Variants in CSPG4 observed in about 807,000 individuals in gnomAD.
CSPG4 encodes chondroitin sulfate proteoglycan 4 (melanoma-associated).
Under a neutral mutation model 139.3 loss-of-function variants are expected in CSPG4, and 74 were observed. The ratio of observed to expected loss-of-function variants is 0.53; its 90% CI spans 0.44 to 0.64. The LOEUF is 0.64. Ranked by LOEUF, CSPG4 falls within the 30% of genes least tolerant of loss-of-function variation. The pLI, the probability that CSPG4 is intolerant of heterozygous loss-of-function variation, is 0.00. For synonymous variants in CSPG4, 1,234 were observed against 1,394.2 expected, an observed-to-expected ratio of 0.89 and a Z score of 2.56; for missense variants, 2,565 against 3,148.3, an observed-to-expected ratio of 0.81 and a Z score of 4.43.
Position 75,676,680 on chromosome 15 carries a change from G to T in CSPG4, c.5839C>A (p.Arg1947=). Residue 1947 remains arginine (R), a synonymous_variant, in exon 10 of 10, where the codon CGG becomes AGG. Coordinates refer to ENST00000308508, the MANE Select transcript of CSPG4 (RefSeq NM_001897.5). ...ILPSAIEVQL[R]APLEVPQALG... ...GCTTGGGGCACCTCCAGGGGTGCCC[G>T]CAGCTGCACCTCGATGGCGGATGGT... The T allele has an allele frequency of 6.3e-7, 1 of 1,591,910 alleles. No homozygotes were observed. Among genetic ancestry groups the T allele is most frequent in the Non-Finnish European group, 8.6e-7 (1 of 1,167,478 alleles).
intron 4 of CSPG4, 51 bp from the exon 5 acceptor site, chr15:75,684,963 C>A (rs766598013): frequency 6.4e-7 from 1 of 1,551,186 alleles, no homozygotes; most frequent in Non-Finnish European, 8.9e-7. Context: ...ACCCTTCATG[C>A]CCTGCCTTTG....
rs149490914 is a variant in CSPG4 at position 75,688,240 on chromosome 15, T to C, written c.2825A>G (p.His942Arg). ...TGTCCCACGCCAAGCCAACCTCCCA[T>C]GGCGGGGCCGCTCCATGACCTCATA... Reference protein sequence around the residue: ...YLYEVMERPRHGRLAWRGTQD... With the variant: ...YLYEVMERPRRGRLAWRGTQD... The change falls in exon 3 of 10, where the codon CAT becomes CGT. Residue 942 changes from histidine to arginine, a missense_variant. His to Arg is a conservative substitution (Grantham distance 29). Transcript: ENST00000308508. 15 of 1,612,852 alleles carry C rather than the reference T, an allele frequency of 9.3e-6. No individual in the cohort carries two copies. The highest frequency in any genetic ancestry group is 8.0e-5 in the African/African-American group (6 of 74,938).
chr15:75,705,843 A>G (rs956714268), intron 1 of CSPG4, among the ~76,000 whole-genome samples: 5 of 151,930 alleles, frequency 3.3e-5, no homozygotes, highest in African/African-American at 1.2e-4. Flanking sequence ...GTGTGTGTGT[A>G]TCTGTGTCTG....
chr15:75,699,923 A>C (rs954888659), intron 1 of CSPG4, among the ~76,000 whole-genome samples: 12 of 152,158 alleles, frequency 7.9e-5, no homozygotes, highest in African/African-American at 1.7e-4. Flanking sequence ...CTGGCCCTAG[A>C]GGACCTGGGA....
intron 1 of CSPG4, among the ~76,000 whole-genome samples, chr15:75,706,056 C>T (rs1386335699): frequency 6.6e-6 from 1 of 152,142 alleles, no homozygotes; most frequent in Admixed American, 6.5e-5. Flanking sequence ...ACTCTAGCTG[C>T]AGGAGAGCTG....
In CSPG4 at chr15:75,675,115, G is replaced by A. The variant is rs1127647; in HGVS notation, c.*435C>T. On this transcript the variant is annotated 3_prime_UTR_variant, in exon 10 of 10. Transcript: ENST00000308508. ...GACAAAGGGTGGCCTGGGTTGGAGTGGAAAAGCCAGGAATAGCTTCCTCTG... is the reference window on the plus strand; with the variant it reads ...GACAAAGGGTGGCCTGGGTTGGAGTAGAAAAGCCAGGAATAGCTTCCTCTG... 9.1e-6 allele frequency: 3 copies of A among 330,592 alleles called. No individual in the cohort carries two copies. Among genetic ancestry groups the A allele is most frequent in the Non-Finnish European group, 1.6e-5 (3 of 183,320 alleles). 20.5% of individuals were successfully genotyped at this position (330,592 alleles called of 1,614,324 possible).
rs1411728463 is a variant in CSPG4 at position 75,690,512 on chromosome 15, T to C, written c.553A>G (p.Thr185Ala). 1 of 1,608,694 alleles carries C rather than the reference T, an allele frequency of 6.2e-7. No individual in the cohort carries two copies. Among genetic ancestry groups the C allele is most frequent in the Non-Finnish European group, 8.5e-7 (1 of 1,178,772 alleles). ...GCACAGCCCTCATGCACATCGGGGG[T>C]CAGAGGCCGGAGGAGGCTGCGGCCA... ...LNGRSLLRPL[T>A]PDVHEGCAEE... is the part of the protein sequence containing the mutation. Residue 185 changes from threonine (T) to alanine (A), a missense_variant, in exon 3 of 10, where the codon ACC becomes GCC. By Grantham distance (58) the Thr-to-Ala change is moderately conservative. Transcript: ENST00000308508.
rs755636923 is a variant in CSPG4 at position 75,677,732 on chromosome 15, T to C, written c.5105A>G (p.Gln1702Arg). ...VAVSFEAACPQRPSHLWKNKG... is the reference protein window; with the variant it reads ...VAVSFEAACPRRPSHLWKNKG... ...GTTCTTCCAGAGGTGGCTGGGGCGCTGGGGACAGGCAGCCTCAAAAGACAC... is the reference window on the plus strand; with the variant it reads ...GTTCTTCCAGAGGTGGCTGGGGCGCCGGGGACAGGCAGCCTCAAAAGACAC... Residue 1702 changes from glutamine (Q) to arginine (R), a missense_variant, in exon 9 of 10, where the codon CAG becomes CGG. By Grantham distance (43) the Gln-to-Arg change is conservative (BLOSUM62 1). This residue lies in a region of CSPG4 where 2,316 missense variants were observed against 2,818.2 expected (regional missense o/e 0.82). Coordinates refer to ENST00000308508, the MANE Select transcript of CSPG4 (RefSeq NM_001897.5). 3 of 1,606,574 alleles carry C rather than the reference T, an allele frequency of 1.9e-6. No homozygotes were observed. The highest frequency in any genetic ancestry group is 4.5e-5 in the East Asian group (2 of 44,204).
At chr15:75,695,084 G>A (rs1031235189) in intron 1 of CSPG4, among the ~76,000 whole-genome samples, 1 of 152,224 alleles carries the variant, frequency 6.6e-6, no homozygotes, top group African/African-American at 2.4e-5. Flanking sequence ...ATTTATACCA[G>A]GAAAAGAGGC....
intron 1 of CSPG4, among the ~76,000 whole-genome samples, chr15:75,707,768 C>G (rs1378188420): frequency 1.3e-5 from 2 of 152,224 alleles, no homozygotes; most frequent in African/African-American, 4.8e-5. Flanking sequence ...CAGGCCGGCT[C>G]AGCTGGAGAG....
In CSPG4 at chr15:75,685,677, C is replaced by T. The variant is rs1263726432; in HGVS notation, c.3814G>A (p.Ala1272Thr). The T allele has an allele frequency of 6.2e-7, 1 of 1,600,338 alleles. No individual in the cohort carries two copies. Among genetic ancestry groups the T allele is most frequent in the South Asian group, 1.1e-5 (1 of 90,458 alleles). The change falls in exon 4 of 10, where the codon GCA (alanine) becomes ACA (threonine). Residue 1272 changes from alanine to threonine, a missense_variant. Coordinates refer to ENST00000308508, the MANE Select transcript of CSPG4 (RefSeq NM_001897.5). ...LEAAQEAVPP[A>T]DIVFSVKSPP... is the part of the protein sequence containing the mutation. ...CTCTTCACTGAGAATACGATGTCTG[C>T]AGGTGGCACTGCCTCCTGGGCTGCC...
chr15:75,703,345 C>G (rs894473577), intron 1 of CSPG4, among the ~76,000 whole-genome samples: 1 of 151,174 alleles, frequency 6.6e-6, no homozygotes, highest in Non-Finnish European at 1.5e-5. Flanking sequence ...CCGGGTGACC[C>G]TGCGCAGGGG....
chr15:75,690,818 G>A lies in CSPG4; in HGVS notation c.253-6C>T. The A allele has an allele frequency of 1.3e-6, 2 of 1,597,274 alleles. No homozygotes were observed. Among genetic ancestry groups the A allele is most frequent in the East Asian group, 2.2e-5 (1 of 44,540 alleles). On this transcript the variant is annotated splice_polypyrimidine_tract_variant and splice_region_variant and intron_variant, in intron 2 of 9. Transcript: ENST00000308508. ...TGGCCCAGAACAAGTCTGACCTGAAGAGAGATGGGGAGTGGGAGATAGTGG... is the reference window on the plus strand; with the variant it reads ...TGGCCCAGAACAAGTCTGACCTGAAAAGAGATGGGGAGTGGGAGATAGTGG...
In CSPG4 at chr15:75,688,879, T is replaced by A; in HGVS notation, c.2186A>T (p.Gln729Leu). The stretch of plus-strand genomic sequence containing the variant: ...CTCCACATCCCGCTGGTGGAACGCC[T>A]GTGTGGCCCACCACTCAGCACCCTC... ...GVEGAEWWATQAFHQRDVEQG... is the reference protein window; with the variant it reads ...GVEGAEWWATLAFHQRDVEQG... The change falls in exon 3 of 10, where the codon CAG becomes CTG. Residue 729 changes from glutamine (Q) to leucine (L), a missense_variant. Gln to Leu is a moderately radical substitution (Grantham distance 113). This residue lies in a region of CSPG4 where 2,316 missense variants were observed against 2,818.2 expected (regional missense o/e 0.82). Coordinates refer to ENST00000308508, the MANE Select transcript of CSPG4 (RefSeq NM_001897.5). 6.2e-7 allele frequency: 1 copy of A among 1,612,266 alleles called. No homozygotes were observed. The highest frequency in any genetic ancestry group is 8.5e-7 in the Non-Finnish European group (1 of 1,179,940).
At chr15:75,699,626 G>A (rs1194865383) in intron 1 of CSPG4, among the ~76,000 whole-genome samples, 4 of 152,218 alleles carry the variant, frequency 2.6e-5, no homozygotes, top group African/African-American at 7.2e-5. Context: ...CAACCCTGGG[G>A]CCTTGTGGAG....
chr15:75,692,056 A>G (rs995074463), intron 2 of CSPG4, among the ~76,000 whole-genome samples: 2 of 152,128 alleles, frequency 1.3e-5, no homozygotes, highest in Non-Finnish European at 2.9e-5. Context: ...GTCTCGGCTC[A>G]CTGCAACCTC....
At position 75,681,488 on chromosome 15, in the gene CSPG4, C is replaced by T. The variant is rs76332553; in HGVS notation, c.4950+805G>A. On this transcript the variant is annotated intron_variant, in intron 8 of 9. Transcript: ENST00000308508. ...GTCAGCTCTGCGCCCCACAAGACCA[C>T]TCCCTACCCAGAATTCACTGTCATC... Among the ~76,000 whole-genome samples, 53 of 152,328 alleles carry T rather than the reference C, an allele frequency of 3.5e-4. No individual in the cohort carries two copies. In the East Asian group the frequency reaches 9.5e-3, roughly 27 times the overall value.
In CSPG4 at chr15:75,682,977, C is replaced by A. The variant is rs1396300909; in HGVS notation, c.4514G>T (p.Gly1505Val). The A allele has an allele frequency of 6.2e-7, 1 of 1,611,468 alleles. No individual in the cohort carries two copies. The highest frequency in any genetic ancestry group is 8.5e-7 in the Non-Finnish European group (1 of 1,179,692). The part of the protein sequence containing the change: ...EALRSTDGDS[G>V]SEDLVYTIEQ... ...GATGGTGTAGACCAGATCCTCAGAC[C>A]CAGAGTCGCCGTCCGTGCTCCTCAG... is the stretch of plus-strand genomic sequence containing the variant. Residue 1505 changes from glycine to valine, a missense_variant, in exon 6 of 10, where the codon GGG becomes GTG. By Grantham distance (109) the Gly-to-Val change is moderately radical. Transcript: ENST00000308508.
chr15:75,699,777 C>A (rs1894276857), intron 1 of CSPG4, among the ~76,000 whole-genome samples: 1 of 152,090 alleles, frequency 6.6e-6, no homozygotes. Context: ...CTCCCCAGGC[C>A]TCAGGCGAGG....
Sources: gnomAD v4.1 joint callset for allele counts (sites outside exome capture counted in the v4.1 genomes callset) on GRCh38, gnomAD v4.1.1 for gene constraint, gnomAD v4.1.1 regional missense constraint, MANE v1.5 for transcripts, NCBI Gene and HGNC (gene_info 2026-07-23, HGNC 2026-07-21) for gene names.